PTK7: variants seen among roughly 807,000 people sequenced by gnomAD.
PTK7 encodes protein tyrosine kinase 7 (inactive), also known as inactive tyrosine-protein kinase 7.
PTK7 carries 39 observed loss-of-function variants against 116.6 expected under a neutral mutation model. The observed-to-expected ratio is 0.33, with a 90% CI of 0.26 to 0.44. The LOEUF (loss-of-function observed/expected upper bound fraction) is 0.44. Ranked by LOEUF, PTK7 falls within the 20% of genes least tolerant of loss-of-function variation. The probability of loss-of-function intolerance (pLI) is 1.00; values close to 1 mark genes in which losing one functional copy is unlikely to be tolerated. For missense variants in PTK7, 1,169 were observed against 1,425.6 expected, an observed-to-expected ratio of 0.82 and a Z score of 2.90; for synonymous variants, 546 against 563.6, an observed-to-expected ratio of 0.97 and a Z score of 0.44.
intron 1 of PTK7, among the ~76,000 whole-genome samples, chr6:43,080,524 T>C (rs1308248980): frequency 1.3e-5 from 2 of 152,188 alleles, no homozygotes; most frequent in African/African-American, 4.8e-5. Context: ...AGCCCAGGGA[T>C]AAGGAGTATA....
Position 43,129,304 on chromosome 6 carries a change from C to T in PTK7, c.367+40C>T, listed in dbSNP as rs759291531. 6 of 1,608,138 alleles carry T rather than the reference C, an allele frequency of 3.7e-6. No individual in the cohort carries two copies. Among genetic ancestry groups the T allele is most frequent in the Admixed American group, 3.3e-5 (2 of 59,776 alleles). Reference sequence around the variant, plus strand: ...GGCTGTGCCCAGTCCCCCTGTCAGACCCTCAATGACTGAGGCCTGGGGGAT... The same window carrying T: ...GGCTGTGCCCAGTCCCCCTGTCAGATCCTCAATGACTGAGGCCTGGGGGAT... On this transcript the variant is annotated intron_variant, in intron 2 of 19. Transcript: ENST00000230419. This position sits in a 1 kb window ranked among gnomAD's most constrained non-coding sequence, Gnocchi z 4.5.
At chr6:43,093,475 A>G (rs1318235037) in intron 1 of PTK7, among the ~76,000 whole-genome samples, 1 of 152,140 alleles carries the variant, frequency 6.6e-6, no homozygotes, top group Non-Finnish European at 1.5e-5. Flanking sequence ...AGACAAGGAT[A>G]CAGAGAAGAC....
chr6:43,141,965 G>C lies in PTK7; in HGVS notation c.1803G>C (p.Thr601=). ...CCTTCAAAGTGGAACCAGAGCGTAC[G>C]ACTGTGTACCAGGGCCACACAGCCC... is the stretch of plus-strand genomic sequence containing the variant. The part of the protein sequence containing the change: ...FITFKVEPER[T]TVYQGHTALL... Residue 601 remains threonine, a synonymous_variant, in exon 12 of 20, where the codon ACG becomes ACC. Transcript: ENST00000230419. This position sits in a 1 kb window ranked among gnomAD's most constrained non-coding sequence, Gnocchi z 4.9. The C allele has an allele frequency of 1.2e-6, 2 of 1,613,070 alleles. No individual in the cohort carries two copies. Among genetic ancestry groups the C allele is most frequent in the Admixed American group, 3.3e-5 (2 of 59,968 alleles).
At chr6:43,099,077 TATAAA>T (rs1283874952) in intron 1 of PTK7, among the ~76,000 whole-genome samples, 1 of 139,482 alleles carries the variant, frequency 7.2e-6, no homozygotes, top group Non-Finnish European at 1.6e-5. Context: ...AAATTAAAAA[TATAAA>T]ATAGATAAGT....
Position 43,144,519 on chromosome 6 carries a change from T to C in PTK7, c.2320T>C (p.Ser774Pro). The C allele has an allele frequency of 6.2e-7, 1 of 1,614,116 alleles. No individual in the cohort carries two copies. Among genetic ancestry groups the C allele is most frequent in the Non-Finnish European group, 8.5e-7 (1 of 1,180,016 alleles). Residue 774 changes from serine (S) to proline (P), a missense_variant, in exon 15 of 20, where the codon TCC becomes CCC. Physicochemically the swap from Ser to Pro is moderately conservative, Grantham distance 74 (BLOSUM62 -1). Transcript: ENST00000230419. ...AGAAGTGGCCTTGACCAGCTTGGGC[T>C]CCGGCCCCGCGGCCACCAACAAACG... ...QEEVALTSLGSGPAATNKRHS... is the reference protein window; with the variant it reads ...QEEVALTSLGPGPAATNKRHS...
At chr6:43,138,666 GA>G in intron 7 of PTK7, 182 bp from the exon 8 acceptor site, 13 of 771,588 alleles carry the variant, frequency 1.7e-5, no homozygotes, top group South Asian at 2.3e-5. Flanking sequence ...TGTCTTAAAA[GA>G]AAAAAAATTT....
chr6:43,134,134 G>A (rs756810111), intron 7 of PTK7, among the ~76,000 whole-genome samples: 3 of 152,136 alleles, frequency 2.0e-5, no homozygotes, highest in Non-Finnish European at 2.9e-5. Flanking sequence ...CGCCTCCCAG[G>A]TTCAAGTGAT....
In PTK7 at chr6:43,158,937, G is replaced by A. The variant is rs1486797588; in HGVS notation, c.2842G>A (p.Ala948Thr). 1.2e-6 allele frequency: 2 copies of A among 1,614,068 alleles called. No homozygotes were observed. The highest frequency in any genetic ancestry group is 1.7e-6 in the Non-Finnish European group (2 of 1,180,038). ...TGCCCAGAGACAAGTGAAGGTGTCT[G>A]CCCTGGGCCTCAGCAAGGATGTGTA... Reference protein sequence around the residue: ...VSAQRQVKVSALGLSKDVYNS... With the variant: ...VSAQRQVKVSTLGLSKDVYNS... The change falls in exon 18 of 20, where the codon GCC becomes ACC. Residue 948 changes from alanine (A) to threonine (T), a missense_variant. Transcript: ENST00000230419.
chr6:43,109,729 T>G (rs1176705920), intron 1 of PTK7, among the ~76,000 whole-genome samples: 1 of 151,312 alleles, frequency 6.6e-6, no homozygotes, highest in Non-Finnish European at 1.5e-5. Context: ...GACAGAGTCT[T>G]GCTCTGTCAC....
intron 1 of PTK7, among the ~76,000 whole-genome samples, chr6:43,100,157 G>A (rs1249402965): frequency 6.6e-6 from 1 of 152,132 alleles, no homozygotes; most frequent in African/African-American, 2.4e-5. Flanking sequence ...GCTGAGACGG[G>A]CGGATCACGA....
chr6:43,147,933 T>TTCACTGAG (rs1770819580), intron 17 of PTK7, among the ~76,000 whole-genome samples: 2 of 152,042 alleles, frequency 1.3e-5, no homozygotes, highest in African/African-American at 2.4e-5. Context: ...AGCCAGTGAC[T>TTCACTGAG]CCTCACTGAG....
In PTK7 at chr6:43,145,378, G is replaced by A; in HGVS notation, c.2586G>A (p.Leu862=). 6.2e-7 allele frequency: 1 copy of A among 1,612,596 alleles called. No homozygotes were observed. The change falls in exon 16 of 20, where the codon CTG becomes CTA. Residue 862 remains leucine, a synonymous_variant. Coordinates refer to ENST00000230419, the MANE Select transcript of PTK7 (RefSeq NM_002821.5). This position sits in a 1 kb window ranked among gnomAD's most constrained non-coding sequence, Gnocchi z 4.8. Reference sequence around the variant, plus strand: ...ACCACGCCAACGTGGTGCGGCTCCTGGGGCTGTGCCGGGAGGCTGAGCCCC... The same window carrying A: ...ACCACGCCAACGTGGTGCGGCTCCTAGGGCTGTGCCGGGAGGCTGAGCCCC... ...KLNHANVVRL[L]GLCREAEPHY...
chr6:43,129,756 C>T lies in PTK7; in HGVS notation c.397C>T (p.His133Tyr). The part of the protein sequence containing the change: ...WIEAGPVVLK[H>Y]PASEAEIQPQ... ...TGAGGCAGGTCCTGTGGTCCTGAAG[C>T]ATCCAGCCTCGGAAGCTGAGATCCA... Residue 133 changes from histidine (H) to tyrosine (Y), a missense_variant, in exon 3 of 20, where the codon CAT (histidine) becomes TAT (tyrosine). This residue lies in a region of PTK7 where 487 missense variants were observed against 549.8 expected (regional missense o/e 0.89). Transcript: ENST00000230419. The surrounding 1 kb of genome is among the most constrained non-coding windows in gnomAD (Gnocchi z 4.5). 6.2e-7 allele frequency: 1 copy of T among 1,614,194 alleles called. No homozygotes were observed. Among genetic ancestry groups the T allele is most frequent in the Non-Finnish European group, 8.5e-7 (1 of 1,180,040 alleles).
chr6:43,139,595 G>T lies in PTK7; in HGVS notation c.1618+70G>T. The T allele has an allele frequency of 6.3e-7, 1 of 1,594,032 alleles. No homozygotes were observed. The highest frequency in any genetic ancestry group is 1.3e-5 in the African/African-American group (1 of 74,720). On this transcript the variant is annotated intron_variant, in intron 10 of 19. Transcript: ENST00000230419. The surrounding 1 kb of genome is among the most constrained non-coding windows in gnomAD (Gnocchi z 4.6). ...CTGATCAGATACATACCTGAGGGCT[G>T]CTGGGTGCCCCGCACTGTGCCAGGA...
At chr6:43,082,238 C>T (rs1020252723) in intron 1 of PTK7, among the ~76,000 whole-genome samples, 3 of 152,104 alleles carry the variant, frequency 2.0e-5, no homozygotes. Flanking sequence ...TGCAGTGGCA[C>T]GATCTTGGCT....
chr6:43,159,099 G>A, intron 18 of PTK7, 131 bp downstream of exon 18: 1 of 1,183,578 alleles, frequency 8.4e-7, no homozygotes, highest in Non-Finnish European at 1.2e-6. Context: ...GCCTGGGATA[G>A]GGAAGAGCTT....
chr6:43,107,208 G>C (rs1767947330), intron 1 of PTK7, among the ~76,000 whole-genome samples: 1 of 152,148 alleles, frequency 6.6e-6, no homozygotes, highest in African/African-American at 2.4e-5. Context: ...ACAGGTGTGA[G>C]CCACCTCGCC....
chr6:43,080,283 C>T (rs1327663122), intron 1 of PTK7, among the ~76,000 whole-genome samples: 1 of 151,932 alleles, frequency 6.6e-6, no homozygotes, highest in Non-Finnish European at 1.5e-5. Context: ...ACCCGGGAGG[C>T]AGAGCTTGCA....
chr6:43,154,169 A>AATAAATAC (rs1277526023), intron 17 of PTK7, among the ~76,000 whole-genome samples: 1 of 151,640 alleles, frequency 6.6e-6, no homozygotes, highest in African/African-American at 2.4e-5. Flanking sequence ...TCTCTAAATA[A>AATAAATAC]ATAAATAAAT....
Sources: allele counts gnomAD v4.1 joint callset (sites outside exome capture counted in the v4.1 genomes callset), GRCh38; gene constraint gnomAD v4.1.1; regional missense constraint gnomAD v4.1.1; non-coding constraint Gnocchi (gnomAD v3.1); transcripts MANE v1.5; gene names NCBI Gene and HGNC (gene_info 2026-07-23, HGNC 2026-07-21).